Variants in DCLK2 observed in about 807,000 individuals in gnomAD.
DCLK2 encodes doublecortin like kinase 2.
In DCLK2, 31 loss-of-function variants were observed where a neutral mutation model predicts 78.4. That is an observed-to-expected ratio of 0.40 (90% CI 0.30 to 0.53). The LOEUF is 0.53. DCLK2 is among the 20% of genes least tolerant of loss of function. DCLK2 has a pLI of 0.61. For missense variants in DCLK2, 872 were observed against 973.7 expected, an observed-to-expected ratio of 0.90 and a Z score of 1.39; for synonymous variants, 407 against 374.9, an observed-to-expected ratio of 1.09 and a Z score of -0.99.
intron 2 of DCLK2, among the ~76,000 whole-genome samples, chr4:150,104,816 AC>A (rs1160465687): frequency 1.3e-5 from 2 of 152,210 alleles, no homozygotes; most frequent in African/African-American, 4.8e-5. Context: ...CCAATGTATT[AC>A]AAAGTAAATA....
intron 5 of DCLK2, among the ~76,000 whole-genome samples, chr4:150,216,776 A>G (rs910493188): frequency 2.0e-5 from 3 of 152,178 alleles, no homozygotes; most frequent in Non-Finnish European, 4.4e-5. Flanking sequence ...ACTCAGCAAC[A>G]TCTTCACGGT....
intron 2 of DCLK2, among the ~76,000 whole-genome samples, chr4:150,153,694 T>A (rs1735056578): frequency 6.6e-6 from 1 of 152,052 alleles, no homozygotes; most frequent in African/African-American, 2.4e-5. Flanking sequence ...GGATTATAGA[T>A]GTGAGCCACT....
At chr4:150,230,544 G>C (rs192021938) in intron 8 of DCLK2, among the ~76,000 whole-genome samples, 1 of 152,328 alleles carries the variant, frequency 6.6e-6, no homozygotes. Context: ...AGCAACTGTT[G>C]TCTTTGCTTC....
chr4:150,229,233 C>T (rs1042708575), intron 8 of DCLK2, among the ~76,000 whole-genome samples: 8 of 152,078 alleles, frequency 5.3e-5, no homozygotes, highest in South Asian at 2.1e-4. Flanking sequence ...GAGGCTGAGG[C>T]GGGAAGATTG....
chr4:150,210,297 G>T (rs17026764), intron 5 of DCLK2, among the ~76,000 whole-genome samples: 5,560 of 152,204 alleles, frequency 0.037, 331 homozygotes, highest in African/African-American at 0.12. Context: ...GCATTTCCAG[G>T]TTCCATTTTC....
Position 150,079,162 on chromosome 4 carries a change from C to A in DCLK2, c.135C>A (p.Ile45=), listed in dbSNP as rs548654953. The A allele has an allele frequency of 6.0e-5, 97 of 1,606,758 alleles. No individual in the cohort carries two copies. In the East Asian group the frequency reaches 2.1e-3, roughly 35 times the overall value. The part of the protein sequence containing the change: ...SSSGPKGNGL[I]PSPAHSAHCS... Reference sequence around the variant, plus strand: ...CGGGCCCCAAGGGGAACGGGCTCATCCCCAGTCCGGCGCACAGTGCCCACT... The same window carrying A: ...CGGGCCCCAAGGGGAACGGGCTCATACCCAGTCCGGCGCACAGTGCCCACT... Residue 45 remains isoleucine, a synonymous_variant, in exon 1 of 16, where the codon ATC becomes ATA. Coordinates refer to ENST00000296550, the MANE Select transcript of DCLK2 (RefSeq NM_001040260.4).
chr4:150,079,001 T>C lies in DCLK2; in HGVS notation c.-27T>C. The C allele has an allele frequency of 6.6e-7, 1 of 1,509,366 alleles. No homozygotes were observed. The highest frequency in any genetic ancestry group is 1.4e-5 in the African/African-American group (1 of 70,752). 93.5% of individuals were successfully genotyped at this position (1,509,366 alleles called of 1,614,324 possible). On this transcript the variant is annotated 5_prime_UTR_variant, in exon 1 of 16. Coordinates refer to ENST00000296550, the MANE Select transcript of DCLK2 (RefSeq NM_001040260.4). ...ACCCTTAGTCGGCCCGGAACGTCTT[T>C]TTGCGGACGCCCTCGGAGCAGCCGC... is the stretch of plus-strand genomic sequence containing the variant.
intron 1 of DCLK2, among the ~76,000 whole-genome samples, chr4:150,098,598 G>T (rs893493441): frequency 6.6e-6 from 1 of 152,088 alleles, no homozygotes; most frequent in South Asian, 2.1e-4. Flanking sequence ...TGAAGTCTGA[G>T]ATTTTAGTGC....
rs1330421691 is a variant in DCLK2, at chr4:150,078,778, CG to C, written c.-247del. Reference sequence around the variant, plus strand: ...CGGGGGCGTGGGGCTCCCCGGCAGGCGGGAGGCACGGAGCAAGTCGCACTGG... The same window carrying C: ...CGGGGGCGTGGGGCTCCCCGGCAGGCGGAGGCACGGAGCAAGTCGCACTGG... On this transcript the variant is annotated 5_prime_UTR_variant, in exon 1 of 16. Transcript: ENST00000296550. 4 of 358,410 alleles carry C rather than the reference CG, an allele frequency of 1.1e-5. No individual in the cohort carries two copies. Among genetic ancestry groups the C allele is most frequent in the South Asian group, 1.3e-4 (1 of 7,522 alleles). The allele number at this position is 358,410 out of a possible 1,614,324, so 22.2% of individuals were successfully genotyped here. A position where few individuals can be genotyped will look rare whatever the true frequency, so the allele number is the denominator to read the frequency against.
chr4:150,170,684 T>C (rs765095086), intron 2 of DCLK2, among the ~76,000 whole-genome samples: 1 of 152,160 alleles, frequency 6.6e-6, no homozygotes, highest in East Asian at 1.9e-4. Flanking sequence ...TAGGGGGAAA[T>C]TGGAACTGCA....
At chr4:150,124,856 C>T (rs1391944732) in intron 2 of DCLK2, among the ~76,000 whole-genome samples, 2 of 152,180 alleles carry the variant, frequency 1.3e-5, no homozygotes, top group Non-Finnish European at 2.9e-5. Context: ...CAATCAATGT[C>T]TTAATTACTT....
At chr4:150,169,971 T>A (rs1466634610) in intron 2 of DCLK2, among the ~76,000 whole-genome samples, 2 of 152,248 alleles carry the variant, frequency 1.3e-5, no homozygotes, top group African/African-American at 4.8e-5. Flanking sequence ...AAAAATGATC[T>A]GTTGCTTATC....
At chr4:150,167,911 C>T (rs764767428) in intron 2 of DCLK2, among the ~76,000 whole-genome samples, 3 of 152,136 alleles carry the variant, frequency 2.0e-5, no homozygotes, top group South Asian at 2.1e-4. Context: ...GGTGAGCATG[C>T]GTACAACTCC....
chr4:150,156,415 G>A (rs1040565900), intron 2 of DCLK2, among the ~76,000 whole-genome samples: 1 of 151,938 alleles, frequency 6.6e-6, no homozygotes, highest in Non-Finnish European at 1.5e-5. Flanking sequence ...TTGAGGCTGA[G>A]GTGGGTGGCT....
intron 2 of DCLK2, among the ~76,000 whole-genome samples, chr4:150,151,302 A>T (rs1734877305): frequency 6.6e-6 from 1 of 152,182 alleles, no homozygotes; most frequent in African/African-American, 2.4e-5. Context: ...TCAGTGAATG[A>T]TGGGTCTGGG....
chr4:150,197,917 T>C (rs1739172367), intron 3 of DCLK2, 85 bp from the exon 4 acceptor site: 1 of 1,042,498 alleles, frequency 9.6e-7, no homozygotes. Flanking sequence ...AGGTAATAGT[T>C]CTGGTCAGTA....
intron 2 of DCLK2, among the ~76,000 whole-genome samples, chr4:150,185,332 C>G (rs948604071): frequency 6.6e-6 from 1 of 152,208 alleles, no homozygotes; most frequent in Non-Finnish European, 1.5e-5. Flanking sequence ...CGAGGTTTCT[C>G]CTCCAACGCG....
intron 2 of DCLK2, among the ~76,000 whole-genome samples, chr4:150,188,949 A>AG (rs1358904358): frequency 6.6e-6 from 1 of 152,004 alleles, no homozygotes; most frequent in Non-Finnish European, 1.5e-5. Context: ...ATGGAAAAAA[A>AG]AAGTCACCTT....
chr4:150,154,998 A>G (rs1190401055), intron 2 of DCLK2, among the ~76,000 whole-genome samples: 1 of 152,184 alleles, frequency 6.6e-6, no homozygotes, highest in African/African-American at 2.4e-5. Flanking sequence ...TGGGAGGCCT[A>G]GGCGGGTGGA....
Sources: gnomAD v4.1 joint callset for allele counts (sites outside exome capture counted in the v4.1 genomes callset) on GRCh38, gnomAD v4.1.1 for gene constraint, MANE v1.5 for transcripts, NCBI Gene and HGNC (gene_info 2026-07-23, HGNC 2026-07-21) for gene names.